The following PTPRN2 variants were observed in gnomAD, a reference collection of about 807,000 sequenced individuals.
The protein encoded by PTPRN2 is protein tyrosine phosphatase receptor type N2.
In PTPRN2, 74 loss-of-function variants were observed where a neutral mutation model predicts 118.8. The ratio of observed to expected loss-of-function variants is 0.62; its 90% CI spans 0.52 to 0.76. The LOEUF (loss-of-function observed/expected upper bound fraction) is 0.76. PTPRN2 is among the 30% of genes least tolerant of loss of function. The pLI, the probability that PTPRN2 is intolerant of heterozygous loss-of-function variation, is 0.00. For synonymous variants in PTPRN2, 641 were observed against 608.0 expected, an observed-to-expected ratio of 1.05 and a Z score of -0.80; for missense variants, 1,481 against 1,394.4, an observed-to-expected ratio of 1.06 and a Z score of -0.99.
intron 3 of PTPRN2, among the ~76,000 whole-genome samples, chr7:158,302,366 C>A (rs1003387955): frequency 1.3e-5 from 2 of 152,230 alleles, no homozygotes; most frequent in South Asian, 2.1e-4. Flanking sequence ...AAAGGCCTAG[C>A]CCCCAGCCTT....
At chr7:158,553,889 C>T (rs2129450356) in intron 1 of PTPRN2, among the ~76,000 whole-genome samples, 1 of 145,482 alleles carries the variant, frequency 6.9e-6, no homozygotes, top group Non-Finnish European at 1.5e-5. Flanking sequence ...ACAACTTCCC[C>T]ATGTACACAC....
intron 10 of PTPRN2, among the ~76,000 whole-genome samples, chr7:158,088,428 T>G (rs200135660): frequency 1.3e-4 from 2 of 15,174 alleles, no homozygotes; most frequent in East Asian, 0.014. Flanking sequence ...CTTCCCCTGA[T>G]GAAAGAGGGA....
In PTPRN2 at chr7:158,509,191, C is replaced by T. The variant is rs1476162033; in HGVS notation, c.113-19406G>A. Among the ~76,000 whole-genome samples the T allele has an allele frequency of 6.6e-6, 1 of 152,122 alleles. No individual in the cohort carries two copies. Among genetic ancestry groups the T allele is most frequent in the Non-Finnish European group, 1.5e-5 (1 of 68,028 alleles). ...CTCCACGCAGCCTCCACCCAGCAGG[C>T]GGGACCAGTGGACAGGCTGCAGCTC... On this transcript the variant is annotated intron_variant, in intron 1 of 22. Coordinates refer to ENST00000389418, the MANE Select transcript of PTPRN2 (RefSeq NM_002847.5). The surrounding 1 kb of genome is among the most constrained non-coding windows in gnomAD (Gnocchi z 4.4).
At chr7:158,317,885 G>A (rs896809670) in intron 2 of PTPRN2, among the ~76,000 whole-genome samples, 7 of 152,216 alleles carry the variant, frequency 4.6e-5, no homozygotes, top group Non-Finnish European at 2.9e-5. Flanking sequence ...TCACGACGAC[G>A]GGGCCGGGTG....
intron 2 of PTPRN2, among the ~76,000 whole-genome samples, chr7:158,402,153 C>A (rs567641860): frequency 3.9e-5 from 6 of 152,240 alleles, no homozygotes; most frequent in African/African-American, 1.4e-4. Context: ...GGGAGAACCC[C>A]GGAGGACAGC....
chr7:158,362,026 G>T (rs1011522210), intron 2 of PTPRN2, among the ~76,000 whole-genome samples: 1 of 152,056 alleles, frequency 6.6e-6, no homozygotes, highest in Non-Finnish European at 1.5e-5. Flanking sequence ...TCTTTCCTCC[G>T]TCTGTCTGTC....
At chr7:157,798,965 C>T (rs1054991539) in intron 12 of PTPRN2, among the ~76,000 whole-genome samples, 2 of 152,190 alleles carry the variant, frequency 1.3e-5, no homozygotes, top group Admixed American at 1.3e-4. Context: ...GAGAGGAGAC[C>T]CCCGTGCCAT....
chr7:158,364,591 T>A (rs766033974), intron 2 of PTPRN2, among the ~76,000 whole-genome samples: 3 of 152,234 alleles, frequency 2.0e-5, no homozygotes, highest in Admixed American at 1.3e-4. Flanking sequence ...GGCAGACAGA[T>A]GTTCAATTAA....
chr7:158,016,331 G>A (rs947593739), intron 11 of PTPRN2, among the ~76,000 whole-genome samples: 1 of 152,152 alleles, frequency 6.6e-6, no homozygotes, highest in Non-Finnish European at 1.5e-5. Flanking sequence ...GTGCCCCGCC[G>A]GGCCCACAGC....
chr7:158,342,135 G>C (rs867159884), intron 2 of PTPRN2, among the ~76,000 whole-genome samples: 183 of 89,886 alleles, frequency 2.0e-3, no homozygotes, highest in Middle Eastern at 7.8e-3. Flanking sequence ...CATAAGAGCT[G>C]TCGCCCGCAG....
intron 1 of PTPRN2, among the ~76,000 whole-genome samples, chr7:158,581,009 T>C (rs1009275875): frequency 2.0e-5 from 3 of 152,206 alleles, no homozygotes; most frequent in African/African-American, 4.8e-5. Context: ...AAGAGCACTT[T>C]AAAATCTCCG....
intron 4 of PTPRN2, among the ~76,000 whole-genome samples, chr7:158,194,672 G>A (rs1383226424): frequency 6.6e-6 from 1 of 152,194 alleles, no homozygotes; most frequent in Non-Finnish European, 1.5e-5. Context: ...CGAGGTGGAG[G>A]CAGGTACTTT....
At chr7:158,188,859 A>T (rs1825524177) in intron 5 of PTPRN2, among the ~76,000 whole-genome samples, 1 of 152,168 alleles carries the variant, frequency 6.6e-6, no homozygotes, top group South Asian at 2.1e-4. Context: ...CCAGGAATGG[A>T]AAGACTTCAG....
intron 12 of PTPRN2, among the ~76,000 whole-genome samples, chr7:157,840,250 ACCGCGTGTGACTGTGTGG>A (rs1162576942): frequency 8.1e-6 from 1 of 123,862 alleles, no homozygotes; most frequent in Admixed American, 8.5e-5. Flanking sequence ...TGACTGTGTA[ACCGCGTGTGACTGTGTGG>A]CCGCGTGTGA....
intron 20 of PTPRN2, 136 bp downstream of exon 20, chr7:157,571,304 A>G (rs571465189): frequency 2.7e-4 from 170 of 627,904 alleles, no homozygotes; most frequent in African/African-American, 2.2e-3. Flanking sequence ...AAGTAAGTTT[A>G]TATTTTTGGT....
At chr7:158,012,447 A>G (rs775775521) in intron 11 of PTPRN2, among the ~76,000 whole-genome samples, 2 of 152,240 alleles carry the variant, frequency 1.3e-5, no homozygotes, top group Admixed American at 1.3e-4. Context: ...ACAAATCTGT[A>G]TGGAAGAATT....
At chr7:157,702,143 T>TC (rs1203814258) in intron 12 of PTPRN2, among the ~76,000 whole-genome samples, 1 of 147,954 alleles carries the variant, frequency 6.8e-6, no homozygotes, top group Non-Finnish European at 1.5e-5. Flanking sequence ...GAAAGCCCGG[T>TC]CGGTCCTGGT....
chr7:157,885,593 C>G (rs1044170781), intron 12 of PTPRN2, among the ~76,000 whole-genome samples: 1 of 152,220 alleles, frequency 6.6e-6, no homozygotes, highest in Non-Finnish European at 1.5e-5. Flanking sequence ...GCGTCCATGT[C>G]CCTAGCTGGA....
intron 11 of PTPRN2, among the ~76,000 whole-genome samples, chr7:158,026,947 C>T (rs928907904): frequency 1.3e-5 from 2 of 152,244 alleles, no homozygotes; most frequent in Non-Finnish European, 2.9e-5. Context: ...CCTAGGTATG[C>T]TGGTGACAAA....
Sources: allele counts gnomAD v4.1 joint callset (sites outside exome capture counted in the v4.1 genomes callset), GRCh38; gene constraint gnomAD v4.1.1; non-coding constraint Gnocchi (gnomAD v3.1); transcripts MANE v1.5; gene names NCBI Gene and HGNC (gene_info 2026-07-23, HGNC 2026-07-21).